The following RHOA variants were observed in gnomAD, a reference collection of about 807,000 sequenced individuals.
RHOA encodes the protein transforming protein RhoA.
Under a neutral mutation model 17.5 loss-of-function variants are expected in RHOA, and 3 were observed. The observed-to-expected ratio is 0.17, with a 90% confidence interval of 0.08 to 0.44. The LOEUF is 0.44. RHOA is among the 20% of genes least tolerant of loss of function. The pLI, the probability that RHOA is intolerant of heterozygous loss-of-function variation, is 0.99. For synonymous variants in RHOA, 98 were observed against 88.4 expected (o/e 1.11, Z -0.61); for missense variants, 56 against 242.3 (o/e 0.23, Z 5.10).
chr3:49,398,942 A>G (rs944871190), intron 1 of RHOA, among the ~76,000 whole-genome samples: 1 of 147,294 alleles, frequency 6.8e-6, no homozygotes, highest in Non-Finnish European at 1.5e-5. Context: ...CTGTAATCCC[A>G]GTTATTTGGG....
intron 2 of RHOA, among the ~76,000 whole-genome samples, chr3:49,372,451 A>T (rs2048160763): frequency 6.6e-6 from 1 of 152,178 alleles, no homozygotes; most frequent in East Asian, 1.9e-4. Flanking sequence ...AAAAGAGCAC[A>T]AACTATAGGA....
chr3:49,385,047 C>T (rs999693633), intron 1 of RHOA, among the ~76,000 whole-genome samples: 2 of 149,926 alleles, frequency 1.3e-5, no homozygotes, highest in Non-Finnish European at 3.0e-5. Context: ...TGGGTGACAG[C>T]AAGACTGTCT....
At chr3:49,406,024 C>G (rs1199728350) in intron 1 of RHOA, among the ~76,000 whole-genome samples, 1 of 152,122 alleles carries the variant, frequency 6.6e-6, no homozygotes, top group African/African-American at 2.4e-5. Flanking sequence ...AAAAGATAAA[C>G]AGAGCTTCAT....
rs773481727 is a variant in RHOA at position 49,375,414 on chromosome 3, G to T, written c.156+20C>A. On this transcript the variant is annotated intron_variant, in intron 2 of 4. Transcript: ENST00000418115. ...TCTAACATGGAAAATGGCATCAGTT[G>T]TTATGAAAAGTATACTCACCTGCTT... 1.3e-6 allele frequency: 2 copies of T among 1,593,724 alleles called. No homozygotes were observed. Among genetic ancestry groups the T allele is most frequent in the South Asian group, 1.1e-5 (1 of 87,914 alleles).
At position 49,360,296 on chromosome 3, in the gene RHOA, A is replaced by G; in HGVS notation, c.495T>C (p.Asp165=). Residue 165 remains aspartate, a synonymous_variant, in exon 5 of 5, where the codon GAT becomes GAC. Transcript: ENST00000418115. The part of the protein sequence containing the change: ...GYMECSAKTK[D]GVREVFEMAT... The stretch of plus-strand genomic sequence containing the variant: ...CCATTTCAAAAACCTCTCTCACTCC[A>G]TCTTTGGTCTTTGCTGAACACTCCA... 1 of 1,613,952 alleles carries G rather than the reference A, an allele frequency of 6.2e-7. No homozygotes were observed. Among genetic ancestry groups the G allele is most frequent in the Non-Finnish European group, 8.5e-7 (1 of 1,180,012 alleles).
At chr3:49,400,325 A>G (rs1265695552) in intron 1 of RHOA, among the ~76,000 whole-genome samples, 1 of 150,738 alleles carries the variant, frequency 6.6e-6, no homozygotes, top group African/African-American at 2.4e-5. Context: ...TCCTGTTTCT[A>G]TAAGGAGATA....
intron 1 of RHOA, among the ~76,000 whole-genome samples, chr3:49,377,019 A>C (rs1482238386): frequency 6.6e-6 from 1 of 152,138 alleles, no homozygotes; most frequent in African/African-American, 2.4e-5. Context: ...TCCTAGCTAC[A>C]CAGGAGCAAG....
At chr3:49,360,477 C>CT in intron 4 of RHOA, 95 bp from the exon 5 acceptor site, 9 of 1,364,866 alleles carry the variant, frequency 6.6e-6, no homozygotes, top group East Asian at 2.5e-5. Context: ...ATTTTTTTTT[C>CT]TTTTTTTGAG....
intron 1 of RHOA, among the ~76,000 whole-genome samples, chr3:49,409,413 A>G (rs1258096204): frequency 6.6e-6 from 1 of 152,106 alleles, no homozygotes; most frequent in African/African-American, 2.4e-5. Context: ...AAATAAATAT[A>G]AAACTACAAC....
chr3:49,401,964 T>C (rs557477517), intron 1 of RHOA, among the ~76,000 whole-genome samples: 2 of 152,298 alleles, frequency 1.3e-5, no homozygotes, highest in South Asian at 2.1e-4. Flanking sequence ...AGAGCTTTCC[T>C]TTCTGTAGCA....
At chr3:49,391,299 G>T (rs1036392063) in intron 1 of RHOA, among the ~76,000 whole-genome samples, 2 of 151,480 alleles carry the variant, frequency 1.3e-5, no homozygotes, top group Non-Finnish European at 2.9e-5. Flanking sequence ...GGCTGAGGCA[G>T]GAAGATCAGT....
intron 1 of RHOA, among the ~76,000 whole-genome samples, chr3:49,383,051 T>C (rs1332088127): frequency 6.9e-6 from 1 of 144,366 alleles, no homozygotes; most frequent in African/African-American, 2.6e-5. Flanking sequence ...CAAAACTCCA[T>C]CGTATCAGAA....
At chr3:49,367,366 A>AAAAAAAAAAAAAAAAAAC (rs2048076007) in intron 3 of RHOA, among the ~76,000 whole-genome samples, 1 of 146,560 alleles carries the variant, frequency 6.8e-6, no homozygotes, top group Non-Finnish European at 1.5e-5. Context: ...AAAAAAAAAA[A>AAAAAAAAAAAAAAAAAAC]GAATACTGAC....
At chr3:49,368,950 G>A (rs1236142021) in intron 2 of RHOA, among the ~76,000 whole-genome samples, 4 of 142,408 alleles carry the variant, frequency 2.8e-5, no homozygotes, top group Non-Finnish European at 3.0e-5. Context: ...CTCATGATCC[G>A]TCCGCCTCGG....
At chr3:49,408,517 G>C (rs1019717459) in intron 1 of RHOA, among the ~76,000 whole-genome samples, 3 of 152,238 alleles carry the variant, frequency 2.0e-5, no homozygotes, top group African/African-American at 7.2e-5. Context: ...TCAGTCACAT[G>C]ACTATCGTAA....
chr3:49,393,670 C>G (rs1168750566), intron 1 of RHOA, among the ~76,000 whole-genome samples: 6 of 97,266 alleles, frequency 6.2e-5, no homozygotes, highest in African/African-American at 2.3e-4. Flanking sequence ...GTCTCAAATT[C>G]TCTCTCTGTG....
chr3:49,390,827 A>G lies in RHOA; in HGVS notation c.-2-15236T>C, dbSNP rs941398738. Among the ~76,000 whole-genome samples, 4 of 152,216 alleles carry G rather than the reference A, an allele frequency of 2.6e-5. No homozygotes were observed. In the East Asian group the frequency reaches 5.8e-4, roughly 22 times the overall value. Reference sequence around the variant, plus strand: ...GCCAGGTGTGGTGGCTCTCCCCTATAATCTCAGCATTCTGGGAAGCTGAGG... The same window carrying G: ...GCCAGGTGTGGTGGCTCTCCCCTATGATCTCAGCATTCTGGGAAGCTGAGG... On this transcript the variant is annotated intron_variant, in intron 1 of 4. Coordinates refer to ENST00000418115, the MANE Select transcript of RHOA (RefSeq NM_001664.4).
chr3:49,399,028 C>T (rs1231445311), intron 1 of RHOA, among the ~76,000 whole-genome samples: 1 of 119,102 alleles, frequency 8.4e-6, no homozygotes, highest in Non-Finnish European at 1.7e-5. Context: ...GCACTCCAGC[C>T]TGCGTGACAG....
intron 3 of RHOA, among the ~76,000 whole-genome samples, chr3:49,363,195 G>C (rs1007591882): frequency 2.0e-5 from 3 of 152,052 alleles, no homozygotes; most frequent in Admixed American, 1.3e-4. Context: ...AAGGTGGGCG[G>C]ATCATGAGGT....
Sources: allele counts gnomAD v4.1 joint callset (sites outside exome capture counted in the v4.1 genomes callset), GRCh38; gene constraint gnomAD v4.1.1; transcripts MANE v1.5; gene names NCBI Gene and HGNC (gene_info 2026-07-23, HGNC 2026-07-21).